The following PLA2G4A variants were observed in gnomAD, a reference collection of about 807,000 sequenced individuals.
PLA2G4A encodes phospholipase A2 group IVA, also known as cytosolic phospholipase A2.
In PLA2G4A, 40 loss-of-function variants were observed where a neutral mutation model predicts 81.9. That is an observed-to-expected ratio of 0.49 (90% CI 0.38 to 0.64). The LOEUF (loss-of-function observed/expected upper bound fraction) is 0.64, where lower values mean the gene tolerates loss of function less well. PLA2G4A is among the 30% of genes least tolerant of loss of function. The pLI, the probability that PLA2G4A is intolerant of heterozygous loss-of-function variation, is 0.00. For synonymous variants in PLA2G4A, 302 were observed against 296.9 expected (o/e 1.02, Z -0.18); for missense variants, 715 against 905.1 (o/e 0.79, Z 2.69).
intron 1 of PLA2G4A, among the ~76,000 whole-genome samples, chr1:186,841,846 G>A (rs1414100992): frequency 6.6e-6 from 1 of 152,094 alleles, no homozygotes; most frequent in African/African-American, 2.4e-5. Flanking sequence ...AGGTTTATCT[G>A]GATTAGTACT....
At chr1:186,866,148 AACATCTCCT>A (rs992208652) in intron 2 of PLA2G4A, among the ~76,000 whole-genome samples, 29 of 152,134 alleles carry the variant, frequency 1.9e-4, no homozygotes, top group Admixed American at 1.6e-3. Flanking sequence ...GATATAACCA[AACATCTCCT>A]ATCCAAGTTG....
chr1:186,849,302 T>C (rs1174182638), intron 1 of PLA2G4A, among the ~76,000 whole-genome samples: 1 of 152,070 alleles, frequency 6.6e-6, no homozygotes, highest in South Asian at 2.1e-4. Flanking sequence ...TTAATGCCTC[T>C]TTTGTTCTCC....
chr1:186,902,423 C>T (rs1654577292), intron 5 of PLA2G4A, among the ~76,000 whole-genome samples: 1 of 152,140 alleles, frequency 6.6e-6, no homozygotes, highest in Admixed American at 6.5e-5. Context: ...AGTTTAATCT[C>T]TCCCACTCTA....
chr1:186,912,544 T>C (rs1654985161), intron 7 of PLA2G4A, among the ~76,000 whole-genome samples: 1 of 152,004 alleles, frequency 6.6e-6, no homozygotes, highest in African/African-American at 2.4e-5. Flanking sequence ...TAATGTAGTA[T>C]AGTTGGAATC....
intron 6 of PLA2G4A, among the ~76,000 whole-genome samples, chr1:186,910,200 T>G (rs963391602): frequency 6.6e-6 from 1 of 152,152 alleles, no homozygotes; most frequent in Non-Finnish European, 1.5e-5. Context: ...GCTCAGAGGC[T>G]TGGTCTCTTT....
At chr1:186,961,661 T>A (rs1656950059) in intron 14 of PLA2G4A, among the ~76,000 whole-genome samples, 1 of 152,196 alleles carries the variant, frequency 6.6e-6, no homozygotes, top group Non-Finnish European at 1.5e-5. Context: ...TACTACCAGT[T>A]TACTGATGAT....
intron 2 of PLA2G4A, among the ~76,000 whole-genome samples, chr1:186,867,526 T>G (rs964791313): frequency 6.6e-6 from 1 of 152,144 alleles, no homozygotes; most frequent in African/African-American, 2.4e-5. Flanking sequence ...GAAAAGCAAT[T>G]GACTTTTGTG....
chr1:186,950,107 G>C (rs10911971), intron 12 of PLA2G4A, among the ~76,000 whole-genome samples: 44,717 of 152,052 alleles, frequency 0.29, 8,679 homozygotes, highest in African/African-American at 0.54. Flanking sequence ...TGTTATTTTA[G>C]TTTTTATAAC....
intron 1 of PLA2G4A, among the ~76,000 whole-genome samples, chr1:186,833,588 T>C (rs1194287702): frequency 6.6e-6 from 1 of 152,182 alleles, no homozygotes; most frequent in Non-Finnish European, 1.5e-5. Flanking sequence ...GCAGAGGTTA[T>C]TCTGGTCCTC....
intron 8 of PLA2G4A, among the ~76,000 whole-genome samples, chr1:186,934,335 A>G (rs1655854531): frequency 6.6e-6 from 1 of 151,634 alleles, no homozygotes; most frequent in Admixed American, 6.6e-5. Context: ...GTGCTTGATT[A>G]GAGATATAGT....
At chr1:186,939,358 C>T in intron 9 of PLA2G4A, 128 bp downstream of exon 9, 1 of 477,356 alleles carries the variant, frequency 2.1e-6, no homozygotes, top group Non-Finnish European at 3.6e-6. Flanking sequence ...ATTTGTCCAA[C>T]TATGCGTACT....
intron 5 of PLA2G4A, among the ~76,000 whole-genome samples, chr1:186,895,521 A>T (rs1437502441): frequency 6.6e-6 from 1 of 152,206 alleles, no homozygotes; most frequent in Non-Finnish European, 1.5e-5. Flanking sequence ...TTGTTCAAGG[A>T]ATATAGAGAA....
intron 5 of PLA2G4A, among the ~76,000 whole-genome samples, chr1:186,904,244 T>C (rs1032693578): frequency 3.9e-5 from 6 of 152,114 alleles, no homozygotes; most frequent in African/African-American, 1.4e-4. Context: ...CTAAAAAAGG[T>C]GGAGTTCTAA....
chr1:186,983,076 T>A (rs1260298170), intron 17 of PLA2G4A, among the ~76,000 whole-genome samples: 1 of 127,878 alleles, frequency 7.8e-6, no homozygotes, highest in Non-Finnish European at 1.6e-5. Flanking sequence ...AGAGCAAGAG[T>A]CTGTCTCAAA....
chr1:186,950,917 C>T (rs1044839946), intron 13 of PLA2G4A, among the ~76,000 whole-genome samples, 189 bp downstream of exon 13: 1 of 152,082 alleles, frequency 6.6e-6, no homozygotes, highest in Non-Finnish European at 1.5e-5. Flanking sequence ...ACATATAAAT[C>T]CCTAATTTAT....
chr1:186,912,796 G>A (rs28896572), intron 7 of PLA2G4A, among the ~76,000 whole-genome samples: 65 of 128,702 alleles, frequency 5.1e-4, no homozygotes, highest in African/African-American at 1.8e-3. Context: ...ATATATATAT[G>A]TATATATATA....
chr1:186,923,822 C>T (rs940561574), intron 7 of PLA2G4A, among the ~76,000 whole-genome samples: 1 of 152,220 alleles, frequency 6.6e-6, no homozygotes, highest in Non-Finnish European at 1.5e-5. Context: ...TGCCTAATTG[C>T]TTTCTAGTTA....
At chr1:186,935,408 ATT>A (rs10681360) in intron 8 of PLA2G4A, among the ~76,000 whole-genome samples, 59,130 of 147,586 alleles carry the variant, frequency 0.4, 12,680 homozygotes, top group Non-Finnish European at 0.49. Flanking sequence ...AAGGGTTTTT[ATT>A]TTTTTTTTTT....
At chr1:186,933,652 T>C (rs901266469) in intron 8 of PLA2G4A, among the ~76,000 whole-genome samples, 3 of 152,164 alleles carry the variant, frequency 2.0e-5, no homozygotes, top group Non-Finnish European at 4.4e-5. Context: ...TACAAGGCCT[T>C]TTTAGTCATT....
Sources: gnomAD v4.1 joint callset for allele counts (sites outside exome capture counted in the v4.1 genomes callset) on GRCh38, gnomAD v4.1.1 for gene constraint, MANE v1.5 for transcripts, NCBI Gene and HGNC (gene_info 2026-07-23, HGNC 2026-07-21) for gene names.